Variants in KIAA0825 observed in about 807,000 individuals in gnomAD.
The protein encoded by KIAA0825 is KIAA0825.
A neutral mutation model predicts 147.6 loss-of-function variants in KIAA0825; 119 were observed. That is an observed-to-expected ratio of 0.81 (90% confidence interval 0.69 to 0.94). The LOEUF (loss-of-function observed/expected upper bound fraction) is 0.94, where lower values mean the gene tolerates loss of function less well. Ranked by LOEUF, KIAA0825 falls within the 40% of genes least tolerant of loss-of-function variation. KIAA0825 has a pLI of 0.00. For missense variants in KIAA0825, 1,381 were observed against 1,472.7 expected (o/e 0.94, Z 1.02); for synonymous variants, 470 against 518.1 (o/e 0.91, Z 1.26).
At chr5:94,261,341 C>A (rs1379336435) in intron 20 of KIAA0825, among the ~76,000 whole-genome samples, 1 of 151,940 alleles carries the variant, frequency 6.6e-6, no homozygotes, top group Non-Finnish European at 1.5e-5. Context: ...TACATACATA[C>A]ATACATAAAA....
chr5:94,557,898 A>T (rs1332713616), intron 2 of KIAA0825, among the ~76,000 whole-genome samples: 1 of 151,998 alleles, frequency 6.6e-6, no homozygotes, highest in Non-Finnish European at 1.5e-5. Flanking sequence ...CTCGCTGTCC[A>T]CTACTGCCTT....
intron 20 of KIAA0825, among the ~76,000 whole-genome samples, chr5:94,191,300 G>T (rs2150001081): frequency 6.6e-6 from 1 of 152,196 alleles, no homozygotes; most frequent in Non-Finnish European, 1.5e-5. Flanking sequence ...TGATGCTTTT[G>T]ATTCCATGAA....
chr5:94,499,523 T>C (rs972774813), intron 5 of KIAA0825, among the ~76,000 whole-genome samples: 1 of 142,884 alleles, frequency 7.0e-6, no homozygotes, highest in Non-Finnish European at 1.5e-5. Flanking sequence ...CTCAGAACTC[T>C]GCAACTGCTT....
At chr5:94,583,487 G>A (rs183227376) in intron 1 of KIAA0825, among the ~76,000 whole-genome samples, 2 of 152,120 alleles carry the variant, frequency 1.3e-5, no homozygotes, top group African/African-American at 2.4e-5. Context: ...TTGAGTAGAC[G>A]GTTCTATGCT....
chr5:94,199,064 T>C (rs767131867), intron 20 of KIAA0825, among the ~76,000 whole-genome samples: 5 of 152,186 alleles, frequency 3.3e-5, no homozygotes, highest in Non-Finnish European at 5.9e-5. Context: ...TTCAGTCTGG[T>C]TAAGAACCAT....
At chr5:94,325,587 A>G (rs1780607276) in intron 20 of KIAA0825, among the ~76,000 whole-genome samples, 1 of 152,012 alleles carries the variant, frequency 6.6e-6, no homozygotes, top group South Asian at 2.1e-4. Flanking sequence ...AATAGAAAAT[A>G]TATAAAAATT....
At position 94,469,942 on chromosome 5, in the gene KIAA0825, A is replaced by G. The variant is rs2150984634; in HGVS notation, c.1872+19T>C. The G allele has an allele frequency of 6.5e-7, 1 of 1,531,102 alleles. No individual in the cohort carries two copies. The highest frequency in any genetic ancestry group is 2.5e-5 in the East Asian group (1 of 40,312). 94.8% of individuals were successfully genotyped at this position (1,531,102 alleles called of 1,614,324 possible). A position where few individuals can be genotyped will look rare whatever the true frequency, so the allele number is the denominator to read the frequency against. ...ACATATTTGTGTAAAAAGGAGGGAT[A>G]GTAAACTTAACTTCACACCTCATAA... On this transcript the variant is annotated intron_variant, in intron 10 of 20. Transcript: ENST00000682413.
chr5:94,278,556 CACTAAGTTGTAT>C (rs1777320818), intron 20 of KIAA0825, among the ~76,000 whole-genome samples: 1 of 152,022 alleles, frequency 6.6e-6, no homozygotes, highest in African/African-American at 2.4e-5. Flanking sequence ...CATGGATTGA[CACTAAGTTGTAT>C]TGTTGAGTTA....
intron 1 of KIAA0825, 161 bp downstream of exon 1, chr5:94,618,339 C>T (rs1487012121): frequency 6.6e-6 from 1 of 152,440 alleles, no homozygotes; most frequent in Non-Finnish European, 1.5e-5. Flanking sequence ...ATCCCAGGGC[C>T]TTCTCCAGCT....
chr5:94,390,784 A>T (rs555376526), intron 18 of KIAA0825, among the ~76,000 whole-genome samples: 19 of 152,352 alleles, frequency 1.2e-4, no homozygotes, highest in African/African-American at 4.1e-4. Flanking sequence ...ATTGAGATAA[A>T]ACTAAAACAC....
chr5:94,229,851 T>A (rs182293190), intron 20 of KIAA0825, among the ~76,000 whole-genome samples: 220 of 152,248 alleles, frequency 1.4e-3, no homozygotes, highest in Admixed American at 4.3e-3. Context: ...CTAATGCAGG[T>A]GTGTCTTCAG....
chr5:94,465,025 T>C lies in KIAA0825; in HGVS notation c.1907A>G (p.His636Arg), dbSNP rs908768089. Residue 636 changes from histidine (H) to arginine (R), a missense_variant, in exon 11 of 21, where the codon CAT (histidine) becomes CGT (arginine). By Grantham distance (29) the His-to-Arg change is conservative. Coordinates refer to ENST00000682413, the MANE Select transcript of KIAA0825 (RefSeq NM_001145678.3). ...ERCSFSIQMW[H>R]YFCWSLHYDL... Reference sequence around the variant, plus strand: ...GTAATGAAGAGACCAGCAGAAATAATGCCACATCTGGATCGAGAAGGAACA... The same window carrying C: ...GTAATGAAGAGACCAGCAGAAATAACGCCACATCTGGATCGAGAAGGAACA... The C allele has an allele frequency of 5.2e-6, 8 of 1,551,498 alleles. No individual in the cohort carries two copies. In the African/African-American group the frequency reaches 9.6e-5, roughly 19 times the overall value.
intron 3 of KIAA0825, among the ~76,000 whole-genome samples, chr5:94,535,568 C>T (rs531612581): frequency 7.9e-4 from 118 of 149,820 alleles, no homozygotes; most frequent in Non-Finnish European, 1.3e-3. Flanking sequence ...ATCTATTCCT[C>T]GGAAGACTAG....
At chr5:94,298,786 A>G (rs1352793401) in intron 20 of KIAA0825, among the ~76,000 whole-genome samples, 1 of 152,206 alleles carries the variant, frequency 6.6e-6, no homozygotes, top group Non-Finnish European at 1.5e-5. Context: ...TCCAAAAAGT[A>G]GCAGCAGTGG....
At chr5:94,474,114 C>T (rs1354959273) in intron 7 of KIAA0825, among the ~76,000 whole-genome samples, 2 of 152,124 alleles carry the variant, frequency 1.3e-5, no homozygotes, top group Non-Finnish European at 1.5e-5. Context: ...TCATAAGCAG[C>T]ACTACTTTTG....
At chr5:94,564,052 T>G (rs113643611) in intron 2 of KIAA0825, among the ~76,000 whole-genome samples, 30 of 152,220 alleles carry the variant, frequency 2.0e-4, no homozygotes, top group African/African-American at 6.3e-4. Context: ...AATTATCTGA[T>G]GTCAGTCTTC....
intron 20 of KIAA0825, among the ~76,000 whole-genome samples, chr5:94,241,387 A>G (rs1775336820): frequency 6.6e-6 from 1 of 152,148 alleles, no homozygotes; most frequent in Non-Finnish European, 1.5e-5. Flanking sequence ...TCACATCACG[A>G]CAGGATCAAA....
intron 12 of KIAA0825, among the ~76,000 whole-genome samples, chr5:94,461,069 T>C (rs1365083310): frequency 1.3e-5 from 2 of 151,976 alleles, no homozygotes; most frequent in East Asian, 3.8e-4. Flanking sequence ...GCACAAATCA[T>C]AGAGATTTCA....
chr5:94,238,720 A>G (rs1775193072), intron 20 of KIAA0825, among the ~76,000 whole-genome samples: 1 of 142,764 alleles, frequency 7.0e-6, no homozygotes, highest in Non-Finnish European at 1.6e-5. Flanking sequence ...ACAATATATC[A>G]ACAGTCCCTC....
Sources: allele counts gnomAD v4.1 joint callset (sites outside exome capture counted in the v4.1 genomes callset), GRCh38; gene constraint gnomAD v4.1.1; transcripts MANE v1.5; gene names NCBI Gene and HGNC (gene_info 2026-07-23, HGNC 2026-07-21).